The following TUBB4A variants were observed in gnomAD, a reference collection of about 807,000 sequenced individuals.
The protein encoded by TUBB4A is tubulin beta 4A class IVa, also known as tubulin beta-4A chain.
In TUBB4A, 13 loss-of-function variants were observed where a neutral mutation model predicts 35.1. The observed-to-expected ratio is 0.37, with a 90% CI of 0.24 to 0.59. The LOEUF is 0.59. Among genes scored for constraint, TUBB4A ranks in the 20% least tolerant of loss-of-function variants. The pLI is 0.71. For synonymous variants in TUBB4A, 279 were observed against 272.4 expected (o/e 1.02, Z -0.24); for missense variants, 299 against 647.2 (o/e 0.46, Z 5.84).
At chr19:6,502,117 G>T in intron 1 of TUBB4A, 39 bp downstream of exon 1, 1 of 1,533,016 alleles carries the variant, frequency 6.5e-7, no homozygotes, top group Non-Finnish European at 8.7e-7. Flanking sequence ...GTGCTCCCCG[G>T]GGCCGCCACT....
Position 6,495,161 on chromosome 19 carries a change from A to C in TUBB4A, c.*3T>G. 1 of 1,613,558 alleles carries C rather than the reference A, an allele frequency of 6.2e-7. No homozygotes were observed. The highest frequency in any genetic ancestry group is 1.7e-4 in the Middle Eastern group (1 of 5,994). On this transcript the variant is annotated 3_prime_UTR_variant, in exon 4 of 4. Coordinates refer to ENST00000264071, the MANE Select transcript of TUBB4A (RefSeq NM_006087.4). The surrounding 1 kb of genome is among the most constrained non-coding windows in gnomAD (Gnocchi z 8.7). ...GGGACAGGTGGGAAGCGATGGGAGC[A>C]GCCTAGGCCACCTCCTCCTCCGCCT...
chr19:6,495,415 TCAGGCCGCGGG>T lies in TUBB4A; in HGVS notation c.1073_1083del (p.Pro358GlnfsTer56), dbSNP rs1914097680. On this transcript the variant is annotated frameshift_variant, in exon 4 of 4. Coordinates refer to ENST00000264071, the MANE Select transcript of TUBB4A (RefSeq NM_006087.4). LOFTEE classifies it high-confidence loss of function. This position sits in a 1 kb window ranked among gnomAD's most constrained non-coding sequence, Gnocchi z 8.7. ...TTGCCGATGAAGGTCGCGGCCATCT[TCAGGCCGCGGG>T]GCGGGATGTCGCACACGGCCGTCTT... The T allele has an allele frequency of 6.2e-7, 1 of 1,613,990 alleles. No individual in the cohort carries two copies. The highest frequency in any genetic ancestry group is 1.7e-5 in the Admixed American group (1 of 60,002).
In TUBB4A at chr19:6,495,832, C is replaced by T. The variant is rs797046078; in HGVS notation, c.667G>A (p.Gly223Arg). 4.3e-6 allele frequency: 7 copies of T among 1,614,068 alleles called. No homozygotes were observed. The highest frequency in any genetic ancestry group is 5.9e-6 in the Non-Finnish European group (7 of 1,180,030). ...RTLKLTTPTY[G>R]DLNHLVSATM... ...GCCGACACCAGGTGGTTGAGGTCCCCGTAGGTGGGGGTGGTCAGCTTGAGG... is the reference window on the plus strand; with the variant it reads ...GCCGACACCAGGTGGTTGAGGTCCCTGTAGGTGGGGGTGGTCAGCTTGAGG... Residue 223 changes from glycine to arginine, a missense_variant, in exon 4 of 4, where the codon GGG becomes AGG. Physicochemically the swap from Gly to Arg is moderately radical, Grantham distance 125 (BLOSUM62 -2). Around this residue, in one of 5 missense-constraint regions of TUBB4A, gnomAD observed 51 missense variants for 100.3 expected, o/e 0.51. Coordinates refer to ENST00000264071, the MANE Select transcript of TUBB4A (RefSeq NM_006087.4). This position sits in a 1 kb window ranked among gnomAD's most constrained non-coding sequence, Gnocchi z 8.7.
rs755398669 is a variant in TUBB4A at position 6,495,842 on chromosome 19, G to T, written c.657C>A (p.Thr219=). Residue 219 remains threonine, a synonymous_variant, in exon 4 of 4, where the codon ACC becomes ACA. Coordinates refer to ENST00000264071, the MANE Select transcript of TUBB4A (RefSeq NM_006087.4). The surrounding 1 kb of genome is among the most constrained non-coding windows in gnomAD (Gnocchi z 8.7). The stretch of plus-strand genomic sequence containing the variant: ...GGTGGTTGAGGTCCCCGTAGGTGGG[G>T]GTGGTCAGCTTGAGGGTGCGGAAAC... ...DICFRTLKLT[T]PTYGDLNHLV... is the part of the protein sequence containing the mutation. The T allele has an allele frequency of 3.7e-6, 6 of 1,614,126 alleles. No individual in the cohort carries two copies. The highest frequency in any genetic ancestry group is 4.2e-6 in the Non-Finnish European group (5 of 1,180,050).
intron 3 of TUBB4A, among the ~76,000 whole-genome samples, chr19:6,499,347 G>C (rs1914422735): frequency 6.6e-6 from 1 of 151,420 alleles, no homozygotes; most frequent in Non-Finnish European, 1.5e-5. Flanking sequence ...CCTCTCCTCT[G>C]GCTCCTGACA....
In TUBB4A at chr19:6,495,850, G is replaced by C. The variant is rs1227929141; in HGVS notation, c.649C>G (p.Leu217Val). The change falls in exon 4 of 4, where the codon CTG becomes GTG. Residue 217 changes from leucine to valine, a missense_variant. Physicochemically the swap from Leu to Val is conservative, Grantham distance 32. Transcript: ENST00000264071. This position sits in a 1 kb window ranked among gnomAD's most constrained non-coding sequence, Gnocchi z 8.7. ...LYDICFRTLK[L>V]TTPTYGDLNH... Reference sequence around the variant, plus strand: ...AGGTCCCCGTAGGTGGGGGTGGTCAGCTTGAGGGTGCGGAAACAGATGTCG... The same window carrying C: ...AGGTCCCCGTAGGTGGGGGTGGTCACCTTGAGGGTGCGGAAACAGATGTCG... The C allele has an allele frequency of 6.2e-7, 1 of 1,614,240 alleles. No homozygotes were observed. The highest frequency in any genetic ancestry group is 8.5e-7 in the Non-Finnish European group (1 of 1,180,036).
chr19:6,494,634 A>T lies in TUBB4A; in HGVS notation c.*530T>A. ...CTTGCAGGTGTAGAAGTAAAATGGG[A>T]CTCATAGAGGGTGAAAGAGAAGTTG... On this transcript the variant is annotated 3_prime_UTR_variant, in exon 4 of 4. Coordinates refer to ENST00000264071, the MANE Select transcript of TUBB4A (RefSeq NM_006087.4). 6.1e-6 allele frequency: 1 copy of T among 163,856 alleles called. No individual in the cohort carries two copies. The highest frequency in any genetic ancestry group is 1.5e-4 in the South Asian group (1 of 6,686). 10.2% of individuals were successfully genotyped at this position (163,856 alleles called of 1,614,324 possible).
In TUBB4A at chr19:6,499,963, T is replaced by G. The variant is rs376352854; in HGVS notation, c.277+1324A>C. On this transcript the variant is annotated intron_variant, in intron 3 of 3. Coordinates refer to ENST00000264071, the MANE Select transcript of TUBB4A (RefSeq NM_006087.4). Reference sequence around the variant, plus strand: ...TGTGCCACCATGCCTGGCTAATTTTTTATTTTTAGTAGAGATGGGGTTTCT... The same window carrying G: ...TGTGCCACCATGCCTGGCTAATTTTGTATTTTTAGTAGAGATGGGGTTTCT... Among the ~76,000 whole-genome samples, 28 of 152,068 alleles carry G rather than the reference T, an allele frequency of 1.8e-4. No individual in the cohort carries two copies. In the East Asian group the frequency reaches 3.3e-3, roughly 18 times the overall value.
In TUBB4A at chr19:6,501,453, G is replaced by A. The variant is rs1914530455; in HGVS notation, c.167-56C>T. 4 of 1,600,682 alleles carry A rather than the reference G, an allele frequency of 2.5e-6. No homozygotes were observed. Among genetic ancestry groups the A allele is most frequent in the East Asian group, 2.2e-5 (1 of 44,708 alleles). ...TGCGTGCCAGGAACCACAGGCGCCC[G>A]GTAGCATCCTGTTCCCTCCCAGCTG... is the stretch of plus-strand genomic sequence containing the variant. On this transcript the variant is annotated intron_variant, in intron 2 of 3. Transcript: ENST00000264071. This position sits in a 1 kb window ranked among gnomAD's most constrained non-coding sequence, Gnocchi z 4.2.
rs1914554556 is a variant in TUBB4A, at chr19:6,501,967, C to T, written c.57+189G>A. Reference sequence around the variant, plus strand: ...AAGGCTGGCTCCCACTCTCCGCAGCCTCTTTGTTCCCAGTCTGGCCCTGCC... The same window carrying T: ...AAGGCTGGCTCCCACTCTCCGCAGCTTCTTTGTTCCCAGTCTGGCCCTGCC... On this transcript the variant is annotated intron_variant, in intron 1 of 3. Coordinates refer to ENST00000264071, the MANE Select transcript of TUBB4A (RefSeq NM_006087.4). This position sits in a 1 kb window ranked among gnomAD's most constrained non-coding sequence, Gnocchi z 4.2. 6.6e-6 allele frequency among the ~76,000 whole-genome samples: 1 copy of T among 152,176 alleles called. No individual in the cohort carries two copies. The highest frequency in any genetic ancestry group is 2.4e-5 in the African/African-American group (1 of 41,450).
intron 3 of TUBB4A, chr19:6,500,990 C>T (rs1914502685): frequency 2.6e-6 from 1 of 382,328 alleles, no homozygotes; most frequent in East Asian, 4.5e-5. Context: ...TTGTTGAATG[C>T]ATGAAGTGGC....
chr19:6,498,440 C>T (rs1041321441), intron 3 of TUBB4A, among the ~76,000 whole-genome samples: 15 of 152,218 alleles, frequency 9.9e-5, no homozygotes, highest in African/African-American at 1.7e-4. Flanking sequence ...AGTCAGGTCC[C>T]GTCCCTCCTC....
At chr19:6,498,668 T>C (rs1297592277) in intron 3 of TUBB4A, among the ~76,000 whole-genome samples, 1 of 152,200 alleles carries the variant, frequency 6.6e-6, no homozygotes, top group East Asian at 1.9e-4. Flanking sequence ...ACCTGACTTT[T>C]TCCTCACTTC....
rs1204228379 is a variant in TUBB4A at position 6,495,998 on chromosome 19, G to C, written c.501C>G (p.Phe167Leu). 1 of 1,614,086 alleles carries C rather than the reference G, an allele frequency of 6.2e-7. No individual in the cohort carries two copies. Among genetic ancestry groups the C allele is most frequent in the Non-Finnish European group, 8.5e-7 (1 of 1,180,034 alleles). Residue 167 changes from phenylalanine to leucine, a missense_variant, in exon 4 of 4, where the codon TTC (phenylalanine) becomes TTG (leucine). This residue lies in a region of TUBB4A where 0 missense variants were observed against 24.7 expected (regional missense o/e 0.00). Coordinates refer to ENST00000264071, the MANE Select transcript of TUBB4A (RefSeq NM_006087.4). This position sits in a 1 kb window ranked among gnomAD's most constrained non-coding sequence, Gnocchi z 8.7. ...ACACTTTGGGCGAGGGCACCACGCT[G>C]AAGGTGTTCATGATGCGGTCTGGGA... The part of the protein sequence containing the change: ...EEFPDRIMNT[F>L]SVVPSPKVSD...
In TUBB4A at chr19:6,496,230, G is replaced by C. The variant is rs1394625051; in HGVS notation, c.278-9C>G. 3.8e-6 allele frequency: 6 copies of C among 1,598,638 alleles called. No individual in the cohort carries two copies. The highest frequency in any genetic ancestry group is 5.1e-6 in the Non-Finnish European group (6 of 1,170,384). Reference sequence around the variant, plus strand: ...GCCGGCTCCGGATTGGCCTAGAGAGGGAAGGGGAGGGGACACACATGCAGT... The same window carrying C: ...GCCGGCTCCGGATTGGCCTAGAGAGCGAAGGGGAGGGGACACACATGCAGT... On this transcript the variant is annotated splice_polypyrimidine_tract_variant and intron_variant, in intron 3 of 3. Coordinates refer to ENST00000264071, the MANE Select transcript of TUBB4A (RefSeq NM_006087.4).
upstream of TUBB4A, chr19:6,502,444 C>G: frequency 2.0e-6 from 1 of 502,026 alleles, no homozygotes. Flanking sequence ...GTGCAGGGAC[C>G]TCCCTCCCCA....
rs895496246 is a variant in TUBB4A, at chr19:6,501,828, G to A, written c.58-205C>T. On this transcript the variant is annotated intron_variant, in intron 1 of 3. Coordinates refer to ENST00000264071, the MANE Select transcript of TUBB4A (RefSeq NM_006087.4). The surrounding 1 kb of genome is among the most constrained non-coding windows in gnomAD (Gnocchi z 4.2). ...GGTGCAGCCGAGTCAGCACCCAGCG[G>A]GGCCGGCTGGTGCCAGCGCACCCAG... 25 of 594,548 alleles carry A rather than the reference G, an allele frequency of 4.2e-5. No homozygotes were observed. Among genetic ancestry groups the A allele is most frequent in the Middle Eastern group, 8.9e-4 (2 of 2,244 alleles). The allele number at this position is 594,548 out of a possible 1,614,324, so 36.8% of individuals were successfully genotyped here.
intron 3 of TUBB4A, among the ~76,000 whole-genome samples, chr19:6,499,661 C>A (rs1914439210): frequency 6.6e-6 from 1 of 152,186 alleles, no homozygotes; most frequent in African/African-American, 2.4e-5. Flanking sequence ...CCTTCCATGC[C>A]CTTTGGCCAG....
intron 3 of TUBB4A, among the ~76,000 whole-genome samples, chr19:6,499,736 C>T (rs1040319633): frequency 2.0e-5 from 3 of 152,148 alleles, no homozygotes; most frequent in East Asian, 3.8e-4. Flanking sequence ...GCTTATTTAC[C>T]TCTTTCTCTG....
Sources: allele counts gnomAD v4.1 joint callset (sites outside exome capture counted in the v4.1 genomes callset), GRCh38; gene constraint gnomAD v4.1.1; regional missense constraint gnomAD v4.1.1; non-coding constraint Gnocchi (gnomAD v3.1); transcripts MANE v1.5; gene names NCBI Gene and HGNC (gene_info 2026-07-23, HGNC 2026-07-21).